Variants in RBPMS2 observed in about 807,000 individuals in gnomAD.
The protein encoded by RBPMS2 is RNA-binding protein with multiple splicing 2.
A neutral mutation model predicts 25.7 loss-of-function variants in RBPMS2; 14 were observed. The ratio of observed to expected loss-of-function variants is 0.55; its 90% CI spans 0.36 to 0.85. The LOEUF is 0.85. Among genes scored for constraint, RBPMS2 ranks in the 40% least tolerant of loss-of-function variants. The pLI is 0.01. For synonymous variants in RBPMS2, 127 were observed against 115.6 expected, an observed-to-expected ratio of 1.10 and a Z score of -0.63; for missense variants, 252 against 283.4, an observed-to-expected ratio of 0.89 and a Z score of 0.80.
At chr15:64,741,522 C>G (rs540598018) in intron 6 of RBPMS2, among the ~76,000 whole-genome samples, 7 of 152,236 alleles carry the variant, frequency 4.6e-5, no homozygotes, top group Non-Finnish European at 1.0e-4. Context: ...GGCCACTATA[C>G]TGGTGGGAGC....
At chr15:64,743,780 A>G (rs3935716) in intron 6 of RBPMS2, among the ~76,000 whole-genome samples, 112,579 of 152,190 alleles carry the variant, frequency 0.74, 45,479 homozygotes, top group East Asian at 0.96. Flanking sequence ...AAGATACACC[A>G]GAAAGCAAGC....
intron 6 of RBPMS2, among the ~76,000 whole-genome samples, chr15:64,741,467 A>G (rs2083561986): frequency 6.6e-6 from 1 of 152,330 alleles, no homozygotes; most frequent in East Asian, 1.9e-4. Context: ...CCAGCGAAGG[A>G]AAGTCACGCA....
At chr15:64,760,576 G>A (rs574765726) in intron 1 of RBPMS2, among the ~76,000 whole-genome samples, 3 of 151,732 alleles carry the variant, frequency 2.0e-5, no homozygotes, top group African/African-American at 4.8e-5. Context: ...ATCCTTCTCC[G>A]GATCACCTGA....
At chr15:64,750,437 C>G (rs1367640423) in intron 2 of RBPMS2, 56 bp from the exon 3 acceptor site, 5 of 1,462,244 alleles carry the variant, frequency 3.4e-6, no homozygotes, top group Non-Finnish European at 4.8e-6. Flanking sequence ...TTGTGCTAGC[C>G]CAGCGCTGCC....
chr15:64,775,394 C>CGCGGGGA lies in RBPMS2; in HGVS notation c.-82_-76dup, dbSNP rs2083924031. On this transcript the variant is annotated 5_prime_UTR_variant, in exon 1 of 8. Coordinates refer to ENST00000300069, the MANE Select transcript of RBPMS2 (RefSeq NM_194272.3). ...CGGCCCCGCGGGAAGTGGGAAGGGGCGCGGGGAGCGGTGCGCTCGCGGGTG... is the reference window on the plus strand; with the variant it reads ...CGGCCCCGCGGGAAGTGGGAAGGGGCGCGGGGAGCGGGGAGCGGTGCGCTCGCGGGTG... The CGCGGGGA allele has an allele frequency of 1.2e-6, 1 of 839,436 alleles. No individual in the cohort carries two copies. Among genetic ancestry groups the CGCGGGGA allele is most frequent in the Non-Finnish European group, 1.6e-6 (1 of 638,440 alleles). The allele number at this position is 839,436 out of a possible 1,614,324, so 52.0% of individuals were successfully genotyped here.
intron 1 of RBPMS2, among the ~76,000 whole-genome samples, chr15:64,755,182 C>T (rs72744737): frequency 0.018 from 2,748 of 152,176 alleles, 28 homozygotes; most frequent in Non-Finnish European, 0.027. Flanking sequence ...GCTCAAGACT[C>T]GTTTCCAGCC....
chr15:64,770,138 C>T (rs542964216), intron 1 of RBPMS2, among the ~76,000 whole-genome samples: 3 of 152,114 alleles, frequency 2.0e-5, no homozygotes, highest in Admixed American at 2.0e-4. Context: ...AAGATCATAC[C>T]ACTGCATTCC....
chr15:64,744,900 T>C (rs1457080784), intron 6 of RBPMS2, among the ~76,000 whole-genome samples: 9 of 134,792 alleles, frequency 6.7e-5, no homozygotes, highest in Non-Finnish European at 1.1e-4. Context: ...CTGCAACCTC[T>C]GCCTCCTGGG....
chr15:64,758,773 G>A (rs1431593271), intron 1 of RBPMS2, among the ~76,000 whole-genome samples: 2 of 152,156 alleles, frequency 1.3e-5, no homozygotes, highest in Non-Finnish European at 2.9e-5. Flanking sequence ...GACCCCACAG[G>A]CTATCACTTA....
At chr15:64,760,524 C>T (rs1049133455) in intron 1 of RBPMS2, among the ~76,000 whole-genome samples, 11 of 152,106 alleles carry the variant, frequency 7.2e-5, no homozygotes, top group African/African-American at 2.7e-4. Context: ...AGAATAGCCA[C>T]GAAAGGACCC....
intron 1 of RBPMS2, among the ~76,000 whole-genome samples, chr15:64,751,987 CAG>C (rs2083686893): frequency 6.8e-6 from 1 of 146,034 alleles, no homozygotes; most frequent in Admixed American, 6.9e-5. Context: ...TTTTTTGAGA[CAG>C]AGTCTTACTC....
intron 1 of RBPMS2, among the ~76,000 whole-genome samples, chr15:64,760,941 T>C (rs564287693): frequency 3.6e-4 from 54 of 151,126 alleles, no homozygotes; most frequent in African/African-American, 1.3e-3. Context: ...AGAGGCCAAC[T>C]CTGGCCTTCT....
chr15:64,746,001 C>T (rs1040246760), intron 6 of RBPMS2, among the ~76,000 whole-genome samples: 1 of 152,184 alleles, frequency 6.6e-6, no homozygotes, highest in Non-Finnish European at 1.5e-5. Flanking sequence ...AAACAATTCA[C>T]TTAAGATCAA....
chr15:64,747,473 T>TGGCC (rs776682496), intron 6 of RBPMS2, among the ~76,000 whole-genome samples: 1 of 152,126 alleles, frequency 6.6e-6, no homozygotes, highest in Non-Finnish European at 1.5e-5. Context: ...CAGCACACCC[T>TGGCC]GGCCGGGCAG....
chr15:64,760,134 T>C (rs994534646), intron 1 of RBPMS2, among the ~76,000 whole-genome samples: 2 of 152,132 alleles, frequency 1.3e-5, no homozygotes, highest in Admixed American at 1.3e-4. Context: ...CCAGCTCACA[T>C]GGAGGTCCTG....
rs1425200216 is a variant in RBPMS2 at position 64,741,168 on chromosome 15, C to T, written c.*7+5G>A. The T allele has an allele frequency of 4.5e-6, 7 of 1,569,582 alleles. No individual in the cohort carries two copies. Among genetic ancestry groups the T allele is most frequent in the Non-Finnish European group, 6.1e-6 (7 of 1,156,528 alleles). On this transcript the variant is annotated splice_donor_5th_base_variant and intron_variant, in intron 7 of 7. Transcript: ENST00000300069. ...TTGTCCTGGGCCTCTGGGGCCAACA[C>T]TTACTGAAAAACTAACAGAACTGAC...
chr15:64,769,532 C>T lies in RBPMS2; in HGVS notation c.87+5701G>A, dbSNP rs186294599. Among the ~76,000 whole-genome samples, 433 of 149,510 alleles carry T rather than the reference C, an allele frequency of 2.9e-3. 1 individual carries two copies. The highest frequency in any genetic ancestry group is 0.01 in the African/African-American group (414 of 40,388). On this transcript the variant is annotated intron_variant, in intron 1 of 7. Coordinates refer to ENST00000300069, the MANE Select transcript of RBPMS2 (RefSeq NM_194272.3). ...AAAATTAGCCGGGCGTAGCAGCGGG[C>T]GCCTGTAGTCCCAGCTACTCTGGAG...
chr15:64,766,144 G>A (rs555118271), intron 1 of RBPMS2, among the ~76,000 whole-genome samples: 1 of 152,322 alleles, frequency 6.6e-6, no homozygotes, highest in East Asian at 1.9e-4. Flanking sequence ...GTCCAAGTCA[G>A]GCTCTGTCCG....
At chr15:64,774,676 T>C (rs1453983421) in intron 1 of RBPMS2, among the ~76,000 whole-genome samples, 1 of 148,282 alleles carries the variant, frequency 6.7e-6, no homozygotes, top group Non-Finnish European at 1.5e-5. Flanking sequence ...GCCCAGGTTC[T>C]GGGGCTGTGA....
Sources: gnomAD v4.1 joint callset for allele counts (sites outside exome capture counted in the v4.1 genomes callset) on GRCh38, gnomAD v4.1.1 for gene constraint, MANE v1.5 for transcripts, NCBI Gene and HGNC (gene_info 2026-07-23, HGNC 2026-07-21) for gene names.